FNDC8: variants seen among roughly 807,000 people sequenced by gnomAD.
FNDC8 encodes fibronectin type III domain containing 8.
A neutral mutation model predicts 24.8 loss-of-function variants in FNDC8; 23 were observed. That is an observed-to-expected ratio of 0.93 (90% CI 0.67 to 1.31). The LOEUF is 1.31. FNDC8 is among the 40% of genes most tolerant of loss of function. The pLI is 0.00. For synonymous variants in FNDC8, 158 were observed against 165.3 expected, an observed-to-expected ratio of 0.96 and a Z score of 0.34; for missense variants, 371 against 398.2, an observed-to-expected ratio of 0.93 and a Z score of 0.58.
At position 35,127,298 on chromosome 17, in the gene FNDC8, CT is replaced by C. The variant is rs1402057997; in HGVS notation, c.468del (p.Asp157ThrfsTer39). 6.2e-7 allele frequency: 1 copy of C among 1,613,962 alleles called. No homozygotes were observed. Among genetic ancestry groups the C allele is most frequent in the Admixed American group, 1.7e-5 (1 of 59,978 alleles). ...GATGGCCACAAGGGGCCTGCTGGAC[CT>C]TGACAACCCTGAGCTGGAGACAGAA... ...SQMATRGLLD[L>X]DNPELETETS... On this transcript the variant is annotated frameshift_variant, in exon 2 of 4. Transcript: ENST00000158009. LOFTEE classifies it high-confidence loss of function.
rs147321791 is a variant in FNDC8 at position 35,125,331 on chromosome 17, CAGGAGGTGGAGGTGGACGG to C, written c.210-1709_210-1691del. Among the ~76,000 whole-genome samples the C allele has an allele frequency of 5.4e-3, 821 of 152,150 alleles. 11 individuals are homozygous for C. The highest frequency in any genetic ancestry group is 0.019 in the African/African-American group (776 of 41,500). On this transcript the variant is annotated intron_variant, in intron 1 of 3. Coordinates refer to ENST00000158009, the MANE Select transcript of FNDC8 (RefSeq NM_017559.4). ...ATGTGCACCTGTAGTCCCAGCTACT[CAGGAGGTGGAGGTGGACGG>C]ATGGCTTGAGCCTGGGAGTTTGTGC...
chr17:35,122,208 A>ATAT (rs1567738641), intron 1 of FNDC8, among the ~76,000 whole-genome samples: 212 of 9,060 alleles, frequency 0.023, 9 homozygotes, highest in South Asian at 0.034. Flanking sequence ...ATATATATAT[A>ATAT]AATTTTTTTT....
At chr17:35,127,016 T>C (rs2142492447) in intron 1 of FNDC8, 26 bp from the exon 2 acceptor site, 1 of 1,552,054 alleles carries the variant, frequency 6.4e-7, no homozygotes. Context: ...CTTCATCTGA[T>C]TCACCTGTCT....
rs541247303 is a variant in FNDC8, at chr17:35,127,081, T to A, written c.249T>A (p.Asp83Glu). 1.9e-6 allele frequency: 3 copies of A among 1,612,386 alleles called. No individual in the cohort carries two copies. The highest frequency in any genetic ancestry group is 2.5e-6 in the Non-Finnish European group (3 of 1,179,018). ...TAGAGGATTCAGACTGCAGCTCTGA[T>A]GAGACCAGCATCTCTGCCTTCTCAT... is the stretch of plus-strand genomic sequence containing the variant. The part of the protein sequence containing the change: ...LPVEDSDCSS[D>E]ETSISAFSST... The change falls in exon 2 of 4, where the codon GAT becomes GAA. Residue 83 changes from aspartate to glutamate, a missense_variant. Asp to Glu is a conservative substitution (Grantham distance 45). Transcript: ENST00000158009.
chr17:35,127,930 T>C (rs2091855476), intron 2 of FNDC8, among the ~76,000 whole-genome samples: 1 of 152,084 alleles, frequency 6.6e-6, no homozygotes, highest in Non-Finnish European at 1.5e-5. Flanking sequence ...AGCCTGATAA[T>C]TTGCATTAGT....
intron 2 of FNDC8, chr17:35,128,998 T>G (rs965720446): frequency 5.6e-6 from 1 of 180,026 alleles, no homozygotes; most frequent in South Asian, 1.3e-4. Context: ...GGGAATCTAA[T>G]GCCTCTGCTG....
intron 3 of FNDC8, 74 bp from the exon 4 acceptor site, chr17:35,130,208 G>C: frequency 5.1e-6 from 8 of 1,555,376 alleles, no homozygotes; most frequent in African/African-American, 2.7e-5. Flanking sequence ...AAAAAAAAGG[G>C]GTGATAGAGA....
Position 35,130,669 on chromosome 17 carries a change from CCCT to C in FNDC8, c.*244_*246del. 1.9e-6 allele frequency: 1 copy of C among 524,200 alleles called. No homozygotes were observed. Among genetic ancestry groups the C allele is most frequent in the Non-Finnish European group, 3.4e-6 (1 of 294,196 alleles). 32.5% of individuals were successfully genotyped at this position (524,200 alleles called of 1,614,324 possible). A position where few individuals can be genotyped will look rare whatever the true frequency, so the allele number is the denominator to read the frequency against. On this transcript the variant is annotated 3_prime_UTR_variant, in exon 4 of 4. Transcript: ENST00000158009. Reference sequence around the variant, plus strand: ...AGCCACTGCCCACAGCTGCTAGACTCCCTCCTCCTCCAAATCTGGGCTGGGTCT... The same window carrying C: ...AGCCACTGCCCACAGCTGCTAGACTCCCTCCTCCAAATCTGGGCTGGGTCT...
intron 1 of FNDC8, among the ~76,000 whole-genome samples, chr17:35,126,694 G>C (rs1488965291): frequency 5.9e-5 from 9 of 151,910 alleles, no homozygotes; most frequent in African/African-American, 9.7e-5. Flanking sequence ...GTGGAGACAG[G>C]GTTTCACCAT....
At chr17:35,130,075 G>A in intron 3 of FNDC8, 1 of 1,419,242 alleles carries the variant, frequency 7.0e-7, no homozygotes, top group Non-Finnish European at 9.2e-7. Context: ...AGTACAGACA[G>A]CCCTTTGGTT....
At chr17:35,129,255 G>A (rs1291512493) in intron 2 of FNDC8, 167 bp from the exon 3 acceptor site, 2 of 820,842 alleles carry the variant, frequency 2.4e-6, no homozygotes. Flanking sequence ...TTCGGGGCAG[G>A]GGTTCCACAC....
intron 2 of FNDC8, 187 bp from the exon 3 acceptor site, chr17:35,129,235 T>G: frequency 1.4e-6 from 1 of 705,726 alleles, no homozygotes; most frequent in South Asian, 1.8e-5. Context: ...CCCAGGAGAG[T>G]AGTACATGCT....
intron 1 of FNDC8, among the ~76,000 whole-genome samples, chr17:35,122,270 G>A (rs1359376842): frequency 1.5e-5 from 2 of 136,678 alleles, no homozygotes; most frequent in African/African-American, 5.5e-5. Flanking sequence ...TTGAACTTCC[G>A]GGCTCAAGCG....
In FNDC8 at chr17:35,127,077, C is replaced by T; in HGVS notation, c.245C>T (p.Ser82Phe). 1.9e-6 allele frequency: 3 copies of T among 1,611,364 alleles called. No individual in the cohort carries two copies. Among genetic ancestry groups the T allele is most frequent in the Non-Finnish European group, 2.5e-6 (3 of 1,178,284 alleles). ...PLPVEDSDCS[S>F]DETSISAFSS... is the part of the protein sequence containing the mutation. ...CCAGTAGAGGATTCAGACTGCAGCT[C>T]TGATGAGACCAGCATCTCTGCCTTC... Residue 82 changes from serine to phenylalanine, a missense_variant, in exon 2 of 4, where the codon TCT becomes TTT. Ser to Phe is a radical substitution (Grantham distance 155, BLOSUM62 -2). Coordinates refer to ENST00000158009, the MANE Select transcript of FNDC8 (RefSeq NM_017559.4).
In FNDC8 at chr17:35,127,386, T is replaced by C. The variant is rs752371442; in HGVS notation, c.554T>C (p.Phe185Ser). ...GACCTGCCGGACACCCCCTTCATCTTTGAGCACACCGTCAACAATTCCACA... is the reference window on the plus strand; with the variant it reads ...GACCTGCCGGACACCCCCTTCATCTCTGAGCACACCGTCAACAATTCCACA... ...VVDLPDTPFI[F>S]EHTVNNSTAV... Residue 185 changes from phenylalanine (F) to serine (S), a missense_variant, in exon 2 of 4, where the codon TTT (phenylalanine) becomes TCT (serine). Physicochemically the swap from Phe to Ser is radical, Grantham distance 155. Transcript: ENST00000158009. The C allele has an allele frequency of 3.2e-6, 5 of 1,572,978 alleles. No individual in the cohort carries two copies. The highest frequency in any genetic ancestry group is 1.7e-4 in the Middle Eastern group (1 of 5,858).
In FNDC8 at chr17:35,130,577, C is replaced by A; in HGVS notation, c.*143C>A. 1.1e-6 allele frequency: 1 copy of A among 885,034 alleles called. No individual in the cohort carries two copies. The highest frequency in any genetic ancestry group is 1.7e-6 in the Non-Finnish European group (1 of 596,496). The allele number at this position is 885,034 out of a possible 1,614,324, so 54.8% of individuals were successfully genotyped here. A position where few individuals can be genotyped will look rare whatever the true frequency, so the allele number is the denominator to read the frequency against. On this transcript the variant is annotated 3_prime_UTR_variant, in exon 4 of 4. Coordinates refer to ENST00000158009, the MANE Select transcript of FNDC8 (RefSeq NM_017559.4). ...GTGGTATGGGCACCCCACCCCTGGG[C>A]TGGGGCCAAGGCTACATAGGGGCCC...
intron 1 of FNDC8, among the ~76,000 whole-genome samples, chr17:35,123,979 C>T (rs1206439455): frequency 6.6e-6 from 1 of 152,208 alleles, no homozygotes; most frequent in African/African-American, 2.4e-5. Context: ...CATTAATACC[C>T]AGACTCTTCA....
chr17:35,129,841 C>T (rs2091865807), intron 3 of FNDC8, 183 bp downstream of exon 3: 9 of 1,427,578 alleles, frequency 6.3e-6, no homozygotes, highest in Non-Finnish European at 8.2e-6. Flanking sequence ...GATTAAGCCA[C>T]TCTGGGGCCC....
intron 3 of FNDC8, chr17:35,129,969 G>C: frequency 7.3e-7 from 1 of 1,372,112 alleles, no homozygotes. Flanking sequence ...GGGAAGTCAA[G>C]GGCATTGAAA....
Sources: gnomAD v4.1 joint callset for allele counts (sites outside exome capture counted in the v4.1 genomes callset) on GRCh38, gnomAD v4.1.1 for gene constraint, MANE v1.5 for transcripts, NCBI Gene and HGNC (gene_info 2026-07-23, HGNC 2026-07-21) for gene names.